The following MED24 variants were observed in gnomAD, a reference collection of about 807,000 sequenced individuals.
MED24 encodes the protein mediator complex subunit 24, also known as mediator of RNA polymerase II transcription subunit 24.
A neutral mutation model predicts 118.8 loss-of-function variants in MED24; 74 were observed. The ratio of observed to expected loss-of-function variants is 0.62; its 90% CI spans 0.52 to 0.76. The LOEUF (loss-of-function observed/expected upper bound fraction) is 0.76. MED24 is among the 30% of genes least tolerant of loss of function. The pLI, the probability that MED24 is intolerant of heterozygous loss-of-function variation, is 0.00. For synonymous variants in MED24, 521 were observed against 523.9 expected (o/e 0.99, Z 0.08); for missense variants, 1,041 against 1,278.9 (o/e 0.81, Z 2.84).
chr17:40,044,809 G>A (rs916658361), intron 3 of MED24, among the ~76,000 whole-genome samples: 27 of 149,936 alleles, frequency 1.8e-4, no homozygotes, highest in Non-Finnish European at 2.8e-4. Flanking sequence ...AATCCAGGAG[G>A]TGCAGCTTGC....
chr17:40,028,126 T>G (rs893260896), intron 14 of MED24, 180 bp from the exon 15 acceptor site: 3 of 606,512 alleles, frequency 4.9e-6, no homozygotes, highest in African/African-American at 4.0e-5. Flanking sequence ...TTTTTTTTTG[T>G]TTTTTTTGAG....
intron 3 of MED24, among the ~76,000 whole-genome samples, chr17:40,048,665 T>A (rs990616747): frequency 1.3e-5 from 2 of 152,118 alleles, no homozygotes; most frequent in African/African-American, 4.8e-5. Flanking sequence ...GCGATTCTCC[T>A]GCCTCAGCCT....
chr17:40,037,298 T>G (rs1984056315), intron 3 of MED24, among the ~76,000 whole-genome samples: 1 of 152,036 alleles, frequency 6.6e-6, no homozygotes, highest in Admixed American at 6.6e-5. Flanking sequence ...TCTCCAGAAC[T>G]TACTCCCTAG....
chr17:40,037,784 G>C (rs1035042003), intron 3 of MED24, among the ~76,000 whole-genome samples: 1 of 151,932 alleles, frequency 6.6e-6, no homozygotes, highest in African/African-American at 2.4e-5. Context: ...GGTGGCGGGT[G>C]CCTATAGTCC....
At chr17:40,027,814 CCT>C (rs767116212) in intron 15 of MED24, 93 bp downstream of exon 15, 118 of 1,342,734 alleles carry the variant, frequency 8.8e-5, no homozygotes, top group African/African-American at 2.4e-4. Context: ...ACAGCCTCCC[CCT>C]GTTGAGCTGG....
rs1246979349 is a variant in MED24, at chr17:40,026,842, C to T, written c.1709+14G>A. The T allele has an allele frequency of 6.2e-7, 1 of 1,611,482 alleles. No homozygotes were observed. The highest frequency in any genetic ancestry group is 1.1e-5 in the South Asian group (1 of 91,038). ...CCCACCGCCACCCTTGGAGTGGGCGCCCGGGCCACTGACACTAGCTTCATC... is the reference window on the plus strand; with the variant it reads ...CCCACCGCCACCCTTGGAGTGGGCGTCCGGGCCACTGACACTAGCTTCATC... On this transcript the variant is annotated intron_variant, in intron 17 of 25. Coordinates refer to ENST00000394128, the MANE Select transcript of MED24 (RefSeq NM_014815.4).
chr17:40,020,551 G>T (rs1330677373), intron 23 of MED24, 198 bp from the exon 24 acceptor site: 4 of 1,258,750 alleles, frequency 3.2e-6, no homozygotes, highest in Non-Finnish European at 3.3e-6. Context: ...ATTTTGGGAG[G>T]CCGAGGCAGG....
At position 40,031,987 on chromosome 17, in the gene MED24, C is replaced by A. The variant is rs780438978; in HGVS notation, c.984+56G>T. Reference sequence around the variant, plus strand: ...CACTGCCCAGCTGGGGCCTGAAGGACCCTCCCCTTTGCCCTTATTTCTGCT... The same window carrying A: ...CACTGCCCAGCTGGGGCCTGAAGGAACCTCCCCTTTGCCCTTATTTCTGCT... On this transcript the variant is annotated intron_variant, in intron 10 of 25. Transcript: ENST00000394128. The A allele has an allele frequency of 1.9e-6, 3 of 1,573,086 alleles. No individual in the cohort carries two copies. In the Admixed American group the frequency reaches 5.4e-5, roughly 28 times the overall value.
chr17:40,023,624 G>C (rs1982303954), intron 19 of MED24: 2 of 484,896 alleles, frequency 4.1e-6, no homozygotes, highest in East Asian at 6.9e-5. Context: ...ATAGGGACTG[G>C]GGAGGGACTT....
At chr17:40,023,484 G>T in intron 19 of MED24, 89 bp from the exon 20 acceptor site, 1 of 1,321,544 alleles carries the variant, frequency 7.6e-7, no homozygotes, top group Non-Finnish European at 1.0e-6. Context: ...ACTTTCCCTT[G>T]GACTTAGGTT....
intron 3 of MED24, among the ~76,000 whole-genome samples, chr17:40,039,623 T>C (rs923554714): frequency 6.6e-6 from 1 of 152,154 alleles, no homozygotes; most frequent in African/African-American, 2.4e-5. Context: ...CATCAGTGTT[T>C]ATACATCTCA....
intron 23 of MED24, among the ~76,000 whole-genome samples, chr17:40,020,775 G>A (rs1036816139): frequency 2.0e-5 from 3 of 150,676 alleles, no homozygotes; most frequent in East Asian, 2.0e-4. Context: ...GAGCAAAACC[G>A]TGTCTCAGAA....
Position 40,033,403 on chromosome 17 carries a change from T to C in MED24, c.613A>G (p.Asn205Asp), listed in dbSNP as rs762129523. 6 of 1,611,132 alleles carry C rather than the reference T, an allele frequency of 3.7e-6. No individual in the cohort carries two copies. Among genetic ancestry groups the C allele is most frequent in the Non-Finnish European group, 5.1e-6 (6 of 1,178,668 alleles). ...SLLKLGEILA[N>D]LSNPQLRSQA... ...CTCCGGAGCTGCGGGTTGCTGAGAT[T>C]GGCCAGGATCTCTCCAAGTTTCAAG... Residue 205 changes from asparagine to aspartate, a missense_variant, in exon 7 of 26, where the codon AAT (asparagine) becomes GAT (aspartate). By Grantham distance (23) the Asn-to-Asp change is conservative. Coordinates refer to ENST00000394128, the MANE Select transcript of MED24 (RefSeq NM_014815.4). The surrounding 1 kb of genome is among the most constrained non-coding windows in gnomAD (Gnocchi z 5.2).
chr17:40,033,867 G>A lies in MED24; in HGVS notation c.560-411C>T. 2.5e-6 allele frequency: 1 copy of A among 401,064 alleles called. No individual in the cohort carries two copies. Among genetic ancestry groups the A allele is most frequent in the South Asian group, 1.8e-5 (1 of 54,840 alleles). The allele number at this position is 401,064 out of a possible 1,614,324, so 24.8% of individuals were successfully genotyped here. ...TGTCACTCTCCTCTGGGGGAACTGG[G>A]TCCCTAAATGGCTTTCTCATTCTCA... On this transcript the variant is annotated intron_variant, in intron 6 of 25. Transcript: ENST00000394128. The surrounding 1 kb of genome is among the most constrained non-coding windows in gnomAD (Gnocchi z 5.2).
chr17:40,020,835 G>A (rs1303076415), intron 23 of MED24, among the ~76,000 whole-genome samples: 1 of 152,122 alleles, frequency 6.6e-6, no homozygotes, highest in Non-Finnish European at 1.5e-5. Context: ...CACTTTGGGA[G>A]GCCAAGGCGG....
chr17:40,047,074 C>G lies in MED24; in HGVS notation c.213+6224G>C, dbSNP rs377241476. On this transcript the variant is annotated intron_variant, in intron 3 of 25. Coordinates refer to ENST00000394128, the MANE Select transcript of MED24 (RefSeq NM_014815.4). ...AGGAAGCTGTGATCCTGCCATTGCA[C>G]ACTCCAGCCTGGGTAACAGAGCAAG... 2.6e-5 allele frequency among the ~76,000 whole-genome samples: 4 copies of G among 152,192 alleles called. No homozygotes were observed. In the East Asian group the frequency reaches 5.8e-4, roughly 22 times the overall value.
rs907709254 is a variant in MED24 at position 40,023,495 on chromosome 17, A to G, written c.1986-100T>C. The G allele has an allele frequency of 1.9e-5, 24 of 1,247,180 alleles. 1 individual carries two copies. The Middle Eastern group carries it at 1.7e-3, about 90-fold the overall frequency. 77.3% of individuals were successfully genotyped at this position (1,247,180 alleles called of 1,614,324 possible). A position where few individuals can be genotyped will look rare whatever the true frequency, so the allele number is the denominator to read the frequency against. ...CCAGACTTTCCCTTGGACTTAGGTTACGGAAATCTCCCTGAGGCATTAACC... is the reference window on the plus strand; with the variant it reads ...CCAGACTTTCCCTTGGACTTAGGTTGCGGAAATCTCCCTGAGGCATTAACC... On this transcript the variant is annotated intron_variant, in intron 19 of 25. Coordinates refer to ENST00000394128, the MANE Select transcript of MED24 (RefSeq NM_014815.4).
intron 5 of MED24, among the ~76,000 whole-genome samples, 184 bp downstream of exon 5, chr17:40,035,538 A>G (rs1039724818): frequency 6.6e-6 from 1 of 152,140 alleles, no homozygotes; most frequent in Non-Finnish European, 1.5e-5. Flanking sequence ...TACTCCAGAC[A>G]GAGAGGAGGC....
chr17:40,029,647 GGA>G, intron 13 of MED24, 99 bp downstream of exon 13: 1 of 1,102,554 alleles, frequency 9.1e-7, no homozygotes, highest in Non-Finnish European at 1.3e-6. Context: ...AAAAGCTAAA[GGA>G]GACAGAGGTC....
Sources: gnomAD v4.1 joint callset for allele counts (sites outside exome capture counted in the v4.1 genomes callset) on GRCh38, gnomAD v4.1.1 for gene constraint, Gnocchi (gnomAD v3.1) non-coding constraint, MANE v1.5 for transcripts, NCBI Gene and HGNC (gene_info 2026-07-23, HGNC 2026-07-21) for gene names.